ECE2: variants seen among roughly 807,000 people sequenced by gnomAD.
The protein encoded by ECE2 is endothelin-converting enzyme 2.
A neutral mutation model predicts 100.6 loss-of-function variants in ECE2; 81 were observed. That is an observed-to-expected ratio of 0.81 (90% CI 0.67 to 0.97). The LOEUF is 0.97. ECE2 is among the 50% of genes least tolerant of loss of function. The pLI, the probability that ECE2 is intolerant of heterozygous loss-of-function variation, is 0.00. For missense variants in ECE2, 911 were observed against 988.1 expected, an observed-to-expected ratio of 0.92 and a Z score of 1.05; for synonymous variants, 391 against 391.5, an observed-to-expected ratio of 1.00 and a Z score of 0.02.
intron 8 of ECE2, 82 bp downstream of exon 8, chr3:184,284,055 C>G: frequency 6.7e-7 from 1 of 1,501,774 alleles, no homozygotes; most frequent in Admixed American, 1.8e-5. Context: ...TGCCATCTCC[C>G]CAAGGCAGCC....
chr3:184,287,961 A>T lies in ECE2; in HGVS notation c.1374+14A>T, dbSNP rs188476784. On this transcript the variant is annotated intron_variant, in intron 11 of 18. Coordinates refer to ENST00000404464, the MANE Select transcript of ECE2 (RefSeq NM_001100121.2). ...AGCAAAGAAATTGTGAGTCTACAAG[A>T]TTCTTTCAACACTATGCCCTCAAAA... is the stretch of plus-strand genomic sequence containing the variant. 1.9e-6 allele frequency: 3 copies of T among 1,610,660 alleles called. No homozygotes were observed. The highest frequency in any genetic ancestry group is 1.3e-5 in the African/African-American group (1 of 74,972).
chr3:184,290,256 A>G lies in ECE2; in HGVS notation c.1553A>G (p.Tyr518Cys), dbSNP rs1346353835. 6.2e-7 allele frequency: 1 copy of G among 1,612,886 alleles called. No homozygotes were observed. Among genetic ancestry groups the G allele is most frequent in the Non-Finnish European group, 8.5e-7 (1 of 1,179,250 alleles). ...PKELDDVYDGYEISEDSFFQN... is the reference protein window; with the variant it reads ...PKELDDVYDGCEISEDSFFQN... Reference sequence around the variant, plus strand: ...TTCTACTTCCCACCTTTCCCACAGTACGAAATTTCTGAAGATTCTTTCTTC... The same window carrying G: ...TTCTACTTCCCACCTTTCCCACAGTGCGAAATTTCTGAAGATTCTTTCTTC... Residue 518 changes from tyrosine (Y) to cysteine (C), a missense_variant and splice_region_variant, in exon 14 of 19, where the codon TAC becomes TGC. By Grantham distance (194) the Tyr-to-Cys change is radical. Coordinates refer to ENST00000404464, the MANE Select transcript of ECE2 (RefSeq NM_001100121.2).
In ECE2 at chr3:184,291,929, C is replaced by T. The variant is rs1240424177; in HGVS notation, c.2122-133C>T. ...TGTCCATGCTGGGCAACCCGATGTC[C>T]AGGGCAGTTTTGGAAGGAACTTGGG... On this transcript the variant is annotated intron_variant, in intron 18 of 18. Transcript: ENST00000404464. This position sits in a 1 kb window ranked among gnomAD's most constrained non-coding sequence, Gnocchi z 4.1. 1.9e-6 allele frequency: 2 copies of T among 1,031,260 alleles called. No homozygotes were observed. The highest frequency in any genetic ancestry group is 5.0e-5 in the East Asian group (2 of 39,880). The allele number at this position is 1,031,260 out of a possible 1,614,324, so 63.9% of individuals were successfully genotyped here. A position where few individuals can be genotyped will look rare whatever the true frequency, so the allele number is the denominator to read the frequency against.
intron 11 of ECE2, 135 bp downstream of exon 11, chr3:184,288,082 G>C (rs377303076): frequency 1.1e-5 from 8 of 710,736 alleles, no homozygotes. Flanking sequence ...AGGCCAAGGC[G>C]GGTGAATCAT....
At chr3:184,285,994 C>T (rs1338664878) in intron 10 of ECE2, among the ~76,000 whole-genome samples, 1 of 152,064 alleles carries the variant, frequency 6.6e-6, no homozygotes, top group East Asian at 1.9e-4. Flanking sequence ...GGGGAGTGGA[C>T]ATGTAAACAA....
chr3:184,276,230 G>A (rs756717418), intron 1 of ECE2, 38 bp downstream of exon 1: 1 of 1,446,612 alleles, frequency 6.9e-7, no homozygotes, highest in Non-Finnish European at 9.0e-7. Context: ...AGGGGACTGG[G>A]TGGAGGGGGA....
intron 8 of ECE2, 29 bp from the exon 9 acceptor site, chr3:184,284,934 A>T (rs1720968039): frequency 6.2e-7 from 1 of 1,606,942 alleles, no homozygotes; most frequent in Non-Finnish European, 8.5e-7. Flanking sequence ...CGAGTCGGGC[A>T]GGCAAGGCCT....
chr3:184,288,014 T>G, intron 11 of ECE2, 67 bp downstream of exon 11: 1 of 1,489,692 alleles, frequency 6.7e-7, no homozygotes, highest in Non-Finnish European at 9.3e-7. Flanking sequence ...TGCAGACATA[T>G]AGAAAAACAA....
intron 8 of ECE2, among the ~76,000 whole-genome samples, chr3:184,284,675 C>T (rs984665599): frequency 3.9e-5 from 6 of 151,958 alleles, no homozygotes; most frequent in East Asian, 3.9e-4. Flanking sequence ...GAAGCCAGTA[C>T]GTGCAGGGTG....
chr3:184,283,902 A>T lies in ECE2; in HGVS notation c.934A>T (p.Ile312Phe). ...GGAGTTGGAGATACAGCTGGCCAAC[A>T]TCACAGTGCCCCAGGACCAGCGGCG... ...VLELEIQLANITVPQDQRRDE... is the reference protein window; with the variant it reads ...VLELEIQLANFTVPQDQRRDE... The change falls in exon 8 of 19, where the codon ATC becomes TTC. Residue 312 changes from isoleucine (I) to phenylalanine (F), a missense_variant. Transcript: ENST00000404464. 2 of 1,614,080 alleles carry T rather than the reference A, an allele frequency of 1.2e-6. No homozygotes were observed. The highest frequency in any genetic ancestry group is 1.3e-5 in the African/African-American group (1 of 75,024).
At chr3:184,284,564 A>G (rs998581873) in intron 8 of ECE2, among the ~76,000 whole-genome samples, 1 of 148,862 alleles carries the variant, frequency 6.7e-6, no homozygotes, top group African/African-American at 2.5e-5. Flanking sequence ...AAAAAAAAAT[A>G]GAAGTGAAAG....
intron 2 of ECE2, 54 bp from the exon 3 acceptor site, chr3:184,276,838 T>G (rs1169774415): frequency 6.2e-7 from 1 of 1,604,480 alleles, no homozygotes; most frequent in Non-Finnish European, 8.5e-7. Flanking sequence ...CCTCTGGTAA[T>G]CTTGGATCCC....
intron 7 of ECE2, among the ~76,000 whole-genome samples, chr3:184,283,561 CAAAAAAAAAAAAAAAAAAA>C (rs35761542): frequency 7.5e-5 from 4 of 53,086 alleles, no homozygotes; most frequent in African/African-American, 3.1e-4. Context: ...GACTCCATCT[CAAAAAAAAAAAAAAAAAAA>C]AAAAAAAAAA....
At chr3:184,278,796 G>A (rs1720690218) in intron 7 of ECE2, 1 of 554,652 alleles carries the variant, frequency 1.8e-6, no homozygotes, top group Non-Finnish European at 3.2e-6. Flanking sequence ...CTGTGTGCCA[G>A]GTCCAGTGGG....
chr3:184,276,932 G>GCA lies in ECE2; in HGVS notation c.169_170dup (p.Gln58ArgfsTer7). The GCA allele has an allele frequency of 6.2e-7, 1 of 1,614,152 alleles. No homozygotes were observed. Among genetic ancestry groups the GCA allele is most frequent in the Non-Finnish European group, 8.5e-7 (1 of 1,180,022 alleles). ...GGGACAAGACAGCTGTTAGGCTCAC[G>GCA]CACGCAGCTGGAGCTGGTCTTAGCA... On this transcript the variant is annotated frameshift_variant, in exon 3 of 19. Coordinates refer to ENST00000404464, the MANE Select transcript of ECE2 (RefSeq NM_001100121.2). LOFTEE classifies it high-confidence loss of function.
rs530110407 is a variant in ECE2 at position 184,289,203 on chromosome 3, A to G, written c.1375-234A>G. ...CTATATTAAATTATAATATAATTTG[A>G]TGAACTTATTGTCAATTAAAATGTG... On this transcript the variant is annotated intron_variant, in intron 11 of 18. Transcript: ENST00000404464. The surrounding 1 kb of genome is among the most constrained non-coding windows in gnomAD (Gnocchi z 4.1). Among the ~76,000 whole-genome samples the G allele has an allele frequency of 7.6e-4, 116 of 152,254 alleles. No homozygotes were observed. Among genetic ancestry groups the G allele is most frequent in the South Asian group, 1.5e-3 (7 of 4,822 alleles).
intron 7 of ECE2, among the ~76,000 whole-genome samples, chr3:184,282,924 G>A (rs1465887020): frequency 6.6e-6 from 1 of 152,190 alleles, no homozygotes; most frequent in African/African-American, 2.4e-5. Context: ...TCTCTCCCTT[G>A]GAGACCAGCG....
rs1315826207 is a variant in ECE2, at chr3:184,283,845, A to C, written c.877A>C (p.Thr293Pro). Reference sequence around the variant, plus strand: ...GGGGATGCTGCTGGGTGGGCGGCCCACCTCCACGAGGGAGCAGATGCAGCA... The same window carrying C: ...GGGGATGCTGCTGGGTGGGCGGCCCCCCTCCACGAGGGAGCAGATGCAGCA... The part of the protein sequence containing the change: ...ELGMLLGGRP[T>P]STREQMQQVL... The change falls in exon 8 of 19, where the codon ACC becomes CCC. Residue 293 changes from threonine (T) to proline (P), a missense_variant. Thr to Pro is a conservative substitution (Grantham distance 38). Transcript: ENST00000404464. The C allele has an allele frequency of 6.2e-7, 1 of 1,613,828 alleles. No individual in the cohort carries two copies.
At chr3:184,288,309 C>CAAAAAAA (rs10608428) in intron 11 of ECE2, among the ~76,000 whole-genome samples, 6 of 91,474 alleles carry the variant, frequency 6.6e-5, no homozygotes, top group East Asian at 3.6e-4. Flanking sequence ...AACTCTGTCT[C>CAAAAAAA]AAAAAAAAAA....
Sources: gnomAD v4.1 joint callset for allele counts (sites outside exome capture counted in the v4.1 genomes callset) on GRCh38, gnomAD v4.1.1 for gene constraint, Gnocchi (gnomAD v3.1) non-coding constraint, MANE v1.5 for transcripts, NCBI Gene and HGNC (gene_info 2026-07-23, HGNC 2026-07-21) for gene names.